COMMD9: variants seen among roughly 807,000 people sequenced by gnomAD.
COMMD9 encodes the protein COMM domain containing 9.
In COMMD9, 22 loss-of-function variants were observed where a neutral mutation model predicts 23.4. That is an observed-to-expected ratio of 0.94 (90% CI 0.67 to 1.34). The LOEUF is 1.34. Ranked by LOEUF, COMMD9 falls within the 40% of genes most tolerant of loss-of-function variation. The pLI is 0.00. For missense variants in COMMD9, 231 were observed against 240.2 expected, an observed-to-expected ratio of 0.96 and a Z score of 0.25; for synonymous variants, 99 against 97.4, an observed-to-expected ratio of 1.02 and a Z score of -0.10.
intron 4 of COMMD9, 198 bp from the exon 5 acceptor site, chr11:36,276,438 T>C: frequency 1.9e-6 from 1 of 527,814 alleles, no homozygotes; most frequent in Non-Finnish European, 3.4e-6. Context: ...TGCCTGCACT[T>C]GGTACTAATT....
chr11:36,286,295 A>G (rs1856149851), intron 1 of COMMD9, among the ~76,000 whole-genome samples: 1 of 151,422 alleles, frequency 6.6e-6, no homozygotes, highest in African/African-American at 2.4e-5. Flanking sequence ...CACATCTATA[A>G]TCCCAGCACT....
At chr11:36,287,075 G>GAATA (rs1396365364) in intron 1 of COMMD9, among the ~76,000 whole-genome samples, 1 of 62,156 alleles carries the variant, frequency 1.6e-5, no homozygotes, top group Non-Finnish European at 3.7e-5. Context: ...TGTATATCGC[G>GAATA]TAGTATGTAT....
intron 4 of COMMD9, 87 bp from the exon 5 acceptor site, chr11:36,276,327 C>T: frequency 2.3e-6 from 2 of 857,782 alleles, no homozygotes; most frequent in African/African-American, 1.6e-5. Flanking sequence ...GAGGACTGCA[C>T]ACATGCAATG....
chr11:36,282,052 G>A (rs1473595986), intron 1 of COMMD9, among the ~76,000 whole-genome samples: 1 of 152,070 alleles, frequency 6.6e-6, no homozygotes, highest in Non-Finnish European at 1.5e-5. Flanking sequence ...GGAAAGAATA[G>A]AGGAAAGAAT....
chr11:36,280,680 A>G, intron 2 of COMMD9, 32 bp downstream of exon 2: 1 of 1,538,744 alleles, frequency 6.5e-7, no homozygotes, highest in East Asian at 2.3e-5. Flanking sequence ...TAAGAGGGCC[A>G]GTGGCCAAAG....
intron 1 of COMMD9, among the ~76,000 whole-genome samples, chr11:36,287,170 C>T (rs150383952): frequency 0.96 from 9,563 of 9,974 alleles, 4,576 homozygotes; most frequent in Middle Eastern, 1. Flanking sequence ...ATGTATATCG[C>T]GTAGTATGTA....
In COMMD9 at chr11:36,286,410, A is replaced by AAAAG. The variant is rs1179106289; in HGVS notation, c.51+2948_51+2951dup. The stretch of plus-strand genomic sequence containing the variant: ...ACTAAAAATACAAAAAAAAAAAAAA[A>AAAAG]AAAGAAAGAAAGAAAGAAAGAAAGA... On this transcript the variant is annotated intron_variant, in intron 1 of 5. Transcript: ENST00000263401. Among the ~76,000 whole-genome samples, 800 of 104,746 alleles carry AAAAG rather than the reference A, an allele frequency of 7.6e-3. 17 individuals are homozygous for AAAAG. Among genetic ancestry groups the AAAAG allele is most frequent in the African/African-American group, 0.027 (699 of 25,586 alleles). The allele number at this position is 104,746 out of a possible 152,430, so 68.7% of individuals were successfully genotyped here. A position where few individuals can be genotyped will look rare whatever the true frequency, so the allele number is the denominator to read the frequency against.
intron 1 of COMMD9, among the ~76,000 whole-genome samples, chr11:36,282,059 G>T (rs757678309): frequency 5.9e-5 from 9 of 152,092 alleles, no homozygotes; most frequent in Admixed American, 1.3e-4. Context: ...ATAGAGGAAA[G>T]AATTAGTGAA....
At chr11:36,288,836 C>T (rs1856217754) in intron 1 of COMMD9, among the ~76,000 whole-genome samples, 1 of 152,078 alleles carries the variant, frequency 6.6e-6, no homozygotes, top group East Asian at 1.9e-4. Flanking sequence ...TTTACAAAGC[C>T]CTATGAAGTA....
intron 1 of COMMD9, among the ~76,000 whole-genome samples, chr11:36,287,045 T>C (rs1231515865): frequency 6.6e-6 from 1 of 151,380 alleles, no homozygotes; most frequent in Non-Finnish European, 1.5e-5. Context: ...AAGTATGCTA[T>C]ATATGTATAC....
intron 1 of COMMD9, among the ~76,000 whole-genome samples, chr11:36,283,116 C>T (rs1349837486): frequency 1.3e-5 from 2 of 152,186 alleles, no homozygotes. Context: ...ATGGTACCTG[C>T]CCACATTGAG....
chr11:36,284,858 T>C (rs2133433256), intron 1 of COMMD9, among the ~76,000 whole-genome samples: 1 of 152,318 alleles, frequency 6.6e-6, no homozygotes, highest in Middle Eastern at 3.4e-3. Flanking sequence ...ATATCAACAT[T>C]TGTGGTACAC....
chr11:36,282,198 A>C (rs1210200430), intron 1 of COMMD9, among the ~76,000 whole-genome samples: 1 of 152,150 alleles, frequency 6.6e-6, no homozygotes, highest in African/African-American at 2.4e-5. Context: ...GGAGTCCTGG[A>C]AGGAGATGAT....
intron 1 of COMMD9, among the ~76,000 whole-genome samples, chr11:36,287,856 T>TG (rs1856198705): frequency 6.6e-6 from 1 of 152,208 alleles, no homozygotes; most frequent in Non-Finnish European, 1.5e-5. Context: ...TCTGGGGTAC[T>TG]GGTAACATTT....
intron 1 of COMMD9, among the ~76,000 whole-genome samples, chr11:36,283,517 G>A (rs755723901): frequency 6.6e-6 from 1 of 152,080 alleles, no homozygotes; most frequent in Admixed American, 6.6e-5. Flanking sequence ...GATAAGTTAC[G>A]TATATAGAAT....
At chr11:36,274,964 C>A (rs1286191335) in intron 5 of COMMD9, among the ~76,000 whole-genome samples, 192 bp from the exon 6 acceptor site, 1 of 152,214 alleles carries the variant, frequency 6.6e-6, no homozygotes, top group Admixed American at 6.5e-5. Context: ...CCTCAGAGGC[C>A]TGGGTCAGTC....
chr11:36,279,651 C>G (rs1856033262), intron 2 of COMMD9, among the ~76,000 whole-genome samples: 1 of 152,180 alleles, frequency 6.6e-6, no homozygotes. Flanking sequence ...ACTTGCCTTC[C>G]CTGTTTGATT....
chr11:36,285,043 T>C (rs1856129098), intron 1 of COMMD9, among the ~76,000 whole-genome samples: 1 of 151,824 alleles, frequency 6.6e-6, no homozygotes, highest in South Asian at 2.1e-4. Context: ...ACCAATGAAA[T>C]TGAAAATAGA....
chr11:36,283,985 A>T, intron 1 of COMMD9, among the ~76,000 whole-genome samples: 1 of 152,174 alleles, frequency 6.6e-6, no homozygotes, highest in South Asian at 2.1e-4. Flanking sequence ...ACTTGCCTGT[A>T]GCAGCAGCTA....
Sources: allele counts gnomAD v4.1 joint callset (sites outside exome capture counted in the v4.1 genomes callset), GRCh38; gene constraint gnomAD v4.1.1; transcripts MANE v1.5; gene names NCBI Gene and HGNC (gene_info 2026-07-23, HGNC 2026-07-21).